Variants in ELSPBP1 observed in about 807,000 individuals in gnomAD.
ELSPBP1 encodes epididymal sperm-binding protein 1.
Under a neutral mutation model 33.3 loss-of-function variants are expected in ELSPBP1, and 38 were observed. The ratio of observed to expected loss-of-function variants is 1.14; its 90% confidence interval spans 0.88 to 1.50. ELSPBP1 has a LOEUF of 1.50. ELSPBP1 is among the 40% of genes most tolerant of loss of function. ELSPBP1 has a pLI of 0.00. For synonymous variants in ELSPBP1, 85 were observed against 94.1 expected (o/e 0.90, Z 0.56); for missense variants, 267 against 263.5 (o/e 1.01, Z -0.09).
At chr19:48,010,652 G>T (rs1263844856) in intron 2 of ELSPBP1, among the ~76,000 whole-genome samples, 1 of 152,134 alleles carries the variant, frequency 6.6e-6, no homozygotes, top group Non-Finnish European at 1.5e-5. Flanking sequence ...TGAATAGCAG[G>T]GACTAAAGCT....
intron 4 of ELSPBP1, among the ~76,000 whole-genome samples, chr19:48,017,786 C>T (rs1967157583): frequency 6.7e-6 from 1 of 149,252 alleles, no homozygotes; most frequent in African/African-American, 2.5e-5. Flanking sequence ...GTCCCAGCTA[C>T]TTGGGGAGGC....
intron 3 of ELSPBP1, among the ~76,000 whole-genome samples, chr19:48,015,514 TG>T (rs1967122174): frequency 6.6e-6 from 1 of 151,880 alleles, no homozygotes; most frequent in African/African-American, 2.4e-5. Flanking sequence ...AAAAATTAGC[TG>T]GGTGTGGTGG....
In ELSPBP1 at chr19:48,025,118, C is replaced by T. The variant is rs1004102481; in HGVS notation, c.*174C>T. Reference sequence around the variant, plus strand: ...TGTGAAGAACGTAGAGAGAATGCGGCATAACCACCAATAAAGGAGTCTTGA... The same window carrying T: ...TGTGAAGAACGTAGAGAGAATGCGGTATAACCACCAATAAAGGAGTCTTGA... On this transcript the variant is annotated 3_prime_UTR_variant, in exon 7 of 7. Coordinates refer to ENST00000339841, the MANE Select transcript of ELSPBP1 (RefSeq NM_022142.5). 6.6e-5 allele frequency: 10 copies of T among 152,272 alleles called. No homozygotes were observed. The highest frequency in any genetic ancestry group is 2.2e-4 in the African/African-American group (9 of 41,560). 9.4% of individuals were successfully genotyped at this position (152,272 alleles called of 1,614,324 possible). A position where few individuals can be genotyped will look rare whatever the true frequency, so the allele number is the denominator to read the frequency against.
At position 48,014,253 on chromosome 19, in the gene ELSPBP1, TTGG is replaced by T. The variant is rs776784350; in HGVS notation, c.156_158del (p.Trp52del). 6.2e-7 allele frequency: 1 copy of T among 1,614,110 alleles called. No individual in the cohort carries two copies. Among genetic ancestry groups the T allele is most frequent in the Non-Finnish European group, 8.5e-7 (1 of 1,180,002 alleles). The stretch of plus-strand genomic sequence containing the variant: ...GCACCCATATTCATAGCTTATCCCC[TTGG>T]TGTGCCACCAGAGCCGTGTACAACG... On this transcript the variant is annotated inframe_deletion, in exon 3 of 7. Transcript: ENST00000339841.
chr19:48,024,244 T>C (rs939152934), intron 6 of ELSPBP1, among the ~76,000 whole-genome samples: 1 of 152,062 alleles, frequency 6.6e-6, no homozygotes, highest in South Asian at 2.1e-4. Context: ...GACCAGCTGA[T>C]TGAAGCAGGT....
At chr19:47,995,591 C>T (rs115777605) in intron 1 of ELSPBP1, among the ~76,000 whole-genome samples, 54 of 152,178 alleles carry the variant, frequency 3.5e-4, no homozygotes, top group African/African-American at 1.2e-3. Flanking sequence ...TGTGTGTGTG[C>T]GCCTAGAGGT....
chr19:48,001,450 A>G (rs1378954475), intron 1 of ELSPBP1, among the ~76,000 whole-genome samples: 2 of 150,132 alleles, frequency 1.3e-5, no homozygotes, highest in East Asian at 3.9e-4. Flanking sequence ...TCGGCATCCC[A>G]CCACCTCTCT....
intron 6 of ELSPBP1, among the ~76,000 whole-genome samples, chr19:48,023,328 AGAAG>A (rs1967224049): frequency 8.0e-6 from 1 of 124,932 alleles, no homozygotes; most frequent in South Asian, 3.1e-4. Flanking sequence ...AGAGAGGGAA[AGAAG>A]GAAGGGAGGG....
At chr19:48,021,725 C>CA (rs1207893684) in intron 5 of ELSPBP1, among the ~76,000 whole-genome samples, 1 of 152,160 alleles carries the variant, frequency 6.6e-6, no homozygotes, top group Non-Finnish European at 1.5e-5. Context: ...GTTGGGATTA[C>CA]AGGCATGAGC....
intron 1 of ELSPBP1, among the ~76,000 whole-genome samples, chr19:47,999,913 C>T (rs564400451): frequency 6.6e-6 from 1 of 151,742 alleles, no homozygotes; most frequent in Non-Finnish European, 1.5e-5. Flanking sequence ...GCCTCAATAT[C>T]CTGGGCTCAA....
chr19:48,004,965 C>T (rs189334762), intron 1 of ELSPBP1, among the ~76,000 whole-genome samples: 12 of 152,234 alleles, frequency 7.9e-5, no homozygotes, highest in Middle Eastern at 3.4e-3. Flanking sequence ...TAGGAGGCTA[C>T]GCAGGAGGAT....
At chr19:48,004,325 C>A (rs1376172885) in intron 1 of ELSPBP1, among the ~76,000 whole-genome samples, 1 of 151,884 alleles carries the variant, frequency 6.6e-6, no homozygotes, top group Non-Finnish European at 1.5e-5. Flanking sequence ...TGGCCTTGCT[C>A]CTCCTCACTT....
intron 2 of ELSPBP1, among the ~76,000 whole-genome samples, chr19:48,010,381 T>G (rs1332629656): frequency 6.6e-6 from 1 of 152,178 alleles, no homozygotes; most frequent in African/African-American, 2.4e-5. Context: ...AAGTTCCCTT[T>G]GCGTGTATTT....
intron 2 of ELSPBP1, among the ~76,000 whole-genome samples, chr19:48,010,842 T>A (rs527439298): frequency 1.3e-5 from 2 of 152,328 alleles, no homozygotes; most frequent in East Asian, 3.9e-4. Flanking sequence ...TCTGCTGGAT[T>A]ACTTTGCAGA....
rs563877607 is a variant in ELSPBP1 at position 48,017,599 on chromosome 19, G to A, written c.355+1560G>A. On this transcript the variant is annotated intron_variant, in intron 4 of 6. Transcript: ENST00000339841. ...AAACCAAATAGATGAATTAGGAAAGGTATCAGTGAGACCAGGCTCAGTGGC... is the reference window on the plus strand; with the variant it reads ...AAACCAAATAGATGAATTAGGAAAGATATCAGTGAGACCAGGCTCAGTGGC... Among the ~76,000 whole-genome samples, 6 of 152,184 alleles carry A rather than the reference G, an allele frequency of 3.9e-5. No individual in the cohort carries two copies. The East Asian group carries it at 1.2e-3, about 29-fold the overall frequency.
At chr19:48,000,277 T>C (rs1966954836) in intron 1 of ELSPBP1, among the ~76,000 whole-genome samples, 1 of 123,930 alleles carries the variant, frequency 8.1e-6, no homozygotes, top group South Asian at 2.8e-4. Context: ...CTGCCCAGGC[T>C]GTAATGCAGT....
In ELSPBP1 at chr19:48,009,044, G is replaced by A. The variant is rs185771547; in HGVS notation, c.70+307G>A. Among the ~76,000 whole-genome samples, 90 of 151,454 alleles carry A rather than the reference G, an allele frequency of 5.9e-4. No homozygotes were observed. In the East Asian group the frequency reaches 0.016, roughly 27 times the overall value. On this transcript the variant is annotated intron_variant, in intron 2 of 6. Transcript: ENST00000339841. ...CCAGCTACTTGGGAGGCTGAGGCAG[G>A]AGAATCGCTTGAACCCAGGAGGTGG...
intron 1 of ELSPBP1, among the ~76,000 whole-genome samples, chr19:48,008,239 T>C (rs761081755): frequency 6.6e-6 from 1 of 152,032 alleles, no homozygotes; most frequent in East Asian, 1.9e-4. Flanking sequence ...TGTGTGTGTA[T>C]GTGTGTATTT....
intron 3 of ELSPBP1, 98 bp from the exon 4 acceptor site, chr19:48,015,795 G>A: frequency 2.6e-6 from 3 of 1,165,364 alleles, no homozygotes; most frequent in Admixed American, 2.1e-5. Context: ...TGAACCTTAT[G>A]TCTGTCCTGT....
Sources: allele counts gnomAD v4.1 joint callset (sites outside exome capture counted in the v4.1 genomes callset), GRCh38; gene constraint gnomAD v4.1.1; transcripts MANE v1.5; gene names NCBI Gene and HGNC (gene_info 2026-07-23, HGNC 2026-07-21).